WDR72: variants seen among roughly 807,000 people sequenced by gnomAD.
WDR72 encodes WD repeat domain 72.
WDR72 carries 120 observed loss-of-function variants against 124.2 expected under a neutral mutation model. That is an observed-to-expected ratio of 0.97 (90% CI 0.83 to 1.12). The LOEUF is 1.12. Ranked by LOEUF, WDR72 falls within the 50% of genes most tolerant of loss-of-function variation. WDR72 has a pLI of 0.00. For missense variants in WDR72, 1,387 were observed against 1,278.8 expected, an observed-to-expected ratio of 1.08 and a Z score of -1.29; for synonymous variants, 452 against 441.7, an observed-to-expected ratio of 1.02 and a Z score of -0.29.
intron 18 of WDR72, among the ~76,000 whole-genome samples, chr15:53,583,069 T>C (rs927801378): frequency 4.6e-5 from 7 of 151,902 alleles, no homozygotes; most frequent in Admixed American, 2.0e-4. Context: ...CCTCATGAAA[T>C]AGGGTGATTT....
At chr15:53,537,818 T>G (rs1015068915) in intron 18 of WDR72, among the ~76,000 whole-genome samples, 2 of 152,188 alleles carry the variant, frequency 1.3e-5, no homozygotes, top group Non-Finnish European at 2.9e-5. Context: ...TTCTCTAACC[T>G]AGTAATAGAA....
At chr15:53,681,830 TTAAAATGCACACACACA>T (rs1303961070) in intron 13 of WDR72, among the ~76,000 whole-genome samples, 4 of 151,952 alleles carry the variant, frequency 2.6e-5, no homozygotes, top group Non-Finnish European at 5.9e-5. Flanking sequence ...AATATCTCAA[TTAAAATGCACACACACA>T]CACATCCACA....
intron 19 of WDR72, 101 bp from the exon 20 acceptor site, chr15:53,517,855 A>G: frequency 2.7e-6 from 3 of 1,108,038 alleles, no homozygotes; most frequent in South Asian, 1.3e-5. Context: ...TGAAGAATAG[A>G]TACAGAAAGG....
At chr15:53,621,432 T>TATAA (rs1484280646) in intron 14 of WDR72, among the ~76,000 whole-genome samples, 2 of 127,848 alleles carry the variant, frequency 1.6e-5, no homozygotes, top group Non-Finnish European at 3.3e-5. Flanking sequence ...GAAACTGTGA[T>TATAA]ATATATATAT....
chr15:53,609,656 T>C, intron 16 of WDR72, 64 bp from the exon 17 acceptor site: 3 of 1,364,490 alleles, frequency 2.2e-6, no homozygotes, highest in Non-Finnish European at 3.1e-6. Flanking sequence ...GCTCTTAAGA[T>C]GGGCTGCATA....
chr15:53,528,189 G>C (rs1003326216), intron 18 of WDR72, among the ~76,000 whole-genome samples: 8 of 152,058 alleles, frequency 5.3e-5, no homozygotes, highest in African/African-American at 1.9e-4. Flanking sequence ...TCTCTGGACA[G>C]ATGTCTTATC....
In WDR72 at chr15:53,613,749, C is replaced by A; in HGVS notation, c.2789G>T (p.Arg930Ile). 1 of 1,597,298 alleles carries A rather than the reference C, an allele frequency of 6.3e-7. No homozygotes were observed. Among genetic ancestry groups the A allele is most frequent in the Non-Finnish European group, 8.6e-7 (1 of 1,166,132 alleles). Reference protein sequence around the residue: ...ELACRVGSSFRMESIHNKMRG... With the variant: ...ELACRVGSSFIMESIHNKMRG... Reference sequence around the variant, plus strand: ...CATCTTATTATGTATACTTTCCATTCTGAAAGAACTGTTAGAAAAAAGATT... The same window carrying A: ...CATCTTATTATGTATACTTTCCATTATGAAAGAACTGTTAGAAAAAAGATT... The change falls in exon 16 of 20, where the codon AGA becomes ATA. Residue 930 changes from arginine (R) to isoleucine (I), a missense_variant. By Grantham distance (97) the Arg-to-Ile change is moderately conservative. Transcript: ENST00000360509.
rs1245859002 is a variant in WDR72, at chr15:53,705,015, G to C, written c.1321C>G (p.Leu441Val). The C allele has an allele frequency of 3.1e-6, 5 of 1,613,990 alleles. No individual in the cohort carries two copies. The highest frequency in any genetic ancestry group is 4.2e-6 in the Non-Finnish European group (5 of 1,180,002). The change falls in exon 11 of 20, where the codon CTT becomes GTT. Residue 441 changes from leucine to valine, a missense_variant. Coordinates refer to ENST00000360509, the MANE Select transcript of WDR72 (RefSeq NM_182758.4). ...TQALNAAKAR[L>V]LEGGSLVKDS... The stretch of plus-strand genomic sequence containing the variant: ...TTTACTAAAGAACCACCTTCCAGAA[G>C]TCTTGCTTTGGCAGCATTCAAAGCC...
chr15:53,699,792 C>A lies in WDR72; in HGVS notation c.1723G>T (p.Gly575Ter). 1.2e-6 allele frequency: 2 copies of A among 1,614,130 alleles called. No individual in the cohort carries two copies. The highest frequency in any genetic ancestry group is 1.7e-6 in the Non-Finnish European group (2 of 1,180,026). ...ATATAAACTGAGTCATCTGCACATC[C>A]AACAATTAAAAAATTCTCAACCGGG... ...WHPVENFLIV[G>*]CADDSVYIWE... Residue 575 changes from glycine (G) to a stop codon, truncating the protein, a stop_gained, in exon 13 of 20, where the codon GGA (glycine) becomes TGA (stop). Coordinates refer to ENST00000360509, the MANE Select transcript of WDR72 (RefSeq NM_182758.4). LOFTEE classifies it high-confidence loss of function.
rs959415073 is a variant in WDR72 at position 53,602,082 on chromosome 15, T to C, written c.2953-4808A>G. 3.1e-4 allele frequency among the ~76,000 whole-genome samples: 47 copies of C among 152,172 alleles called. No homozygotes were observed. The East Asian group carries it at 6.4e-3, about 21-fold the overall frequency. On this transcript the variant is annotated intron_variant, in intron 17 of 19. Transcript: ENST00000360509. ...ACACCTATTCTAAAATTGATCATAATTGGAAGTAAAACACTCCTTAGCAAA... is the reference window on the plus strand; with the variant it reads ...ACACCTATTCTAAAATTGATCATAACTGGAAGTAAAACACTCCTTAGCAAA...
Position 53,597,150 on chromosome 15 carries a change from T to C in WDR72, c.3077A>G (p.Gln1026Arg). 6.2e-7 allele frequency: 1 copy of C among 1,613,968 alleles called. No individual in the cohort carries two copies. Among genetic ancestry groups the C allele is most frequent in the Non-Finnish European group, 8.5e-7 (1 of 1,179,892 alleles). ...MAENGNCEMK[Q>R]MLPKLEWTEE... ...TGTCCATTCCAGCTTTGGCAGCATC[T>C]GCTTCATCTCACAGTTACCATTCTC... The change falls in exon 18 of 20, where the codon CAG becomes CGG. Residue 1026 changes from glutamine to arginine, a missense_variant. Physicochemically the swap from Gln to Arg is conservative, Grantham distance 43 (BLOSUM62 1). Transcript: ENST00000360509.
At chr15:53,558,762 A>G (rs56916135) in intron 18 of WDR72, among the ~76,000 whole-genome samples, 38,784 of 151,954 alleles carry the variant, frequency 0.26, 5,353 homozygotes, top group African/African-American at 0.37. Flanking sequence ...TTTTCTTCCA[A>G]TGGAGCCAAT....
At chr15:53,652,214 A>G (rs2015267591) in intron 14 of WDR72, 9 of 152,164 alleles carry the variant, frequency 5.9e-5, no homozygotes, top group Admixed American at 5.9e-4. Context: ...GAAATTATGG[A>G]AGAGCCTTGT....
At chr15:53,537,892 T>C (rs1333872909) in intron 18 of WDR72, among the ~76,000 whole-genome samples, 2 of 152,210 alleles carry the variant, frequency 1.3e-5, no homozygotes, top group Non-Finnish European at 2.9e-5. Flanking sequence ...CTACAAGTTA[T>C]TGTTAGTGGC....
intron 2 of WDR72, among the ~76,000 whole-genome samples, chr15:53,732,428 C>A (rs1448313810): frequency 6.6e-6 from 1 of 152,022 alleles, no homozygotes; most frequent in Non-Finnish European, 1.5e-5. Context: ...GAGACAGGGA[C>A]AATTAATTGC....
chr15:53,714,577 C>T, intron 5 of WDR72, 67 bp from the exon 6 acceptor site: 1 of 1,291,876 alleles, frequency 7.7e-7, no homozygotes, highest in South Asian at 1.2e-5. Flanking sequence ...AAAATCATTT[C>T]ACAGTCATTT....
At chr15:53,629,047 C>T (rs760546185) in intron 14 of WDR72, among the ~76,000 whole-genome samples, 70 of 152,146 alleles carry the variant, frequency 4.6e-4, no homozygotes, top group Non-Finnish European at 8.4e-4. Context: ...TTAACTCAAT[C>T]AACCCATCAG....
At chr15:53,665,202 T>C (rs2015735103) in intron 14 of WDR72, among the ~76,000 whole-genome samples, 2 of 151,916 alleles carry the variant, frequency 1.3e-5, no homozygotes, top group Admixed American at 1.3e-4. Context: ...TTTCTGATTT[T>C]TTTTTTGTTT....
At chr15:53,626,646 C>T (rs1040461640) in intron 14 of WDR72, among the ~76,000 whole-genome samples, 30 of 152,220 alleles carry the variant, frequency 2.0e-4, no homozygotes, top group Non-Finnish European at 8.8e-5. Context: ...GATCTTTGTC[C>T]TTCCCGCTGT....
Sources: gnomAD v4.1 joint callset for allele counts (sites outside exome capture counted in the v4.1 genomes callset) on GRCh38, gnomAD v4.1.1 for gene constraint, MANE v1.5 for transcripts, NCBI Gene and HGNC (gene_info 2026-07-23, HGNC 2026-07-21) for gene names.